Variants in MAGI2 observed in about 807,000 individuals in gnomAD.
The protein encoded by MAGI2 is membrane associated guanylate kinase, WW and PDZ domain containing 2, also known as membrane-associated guanylate kinase, WW and PDZ domain-containing protein 2.
A neutral mutation model predicts 133.3 loss-of-function variants in MAGI2; 35 were observed. The ratio of observed to expected loss-of-function variants is 0.26; its 90% CI spans 0.20 to 0.35. The LOEUF (loss-of-function observed/expected upper bound fraction) is 0.35. Ranked by LOEUF, MAGI2 falls within the 10% of genes least tolerant of loss-of-function variation. The probability of loss-of-function intolerance (pLI) is 1.00; values close to 1 mark genes in which losing one functional copy is unlikely to be tolerated. For missense variants in MAGI2, 1,636 were observed against 1,863.4 expected (o/e 0.88, Z 2.25); for synonymous variants, 729 against 710.6 (o/e 1.03, Z -0.41).
intron 1 of MAGI2, among the ~76,000 whole-genome samples, chr7:79,160,247 T>C (rs1433962635): frequency 2.6e-5 from 4 of 152,082 alleles, no homozygotes; most frequent in Admixed American, 2.6e-4. Context: ...AAAAAGTGAA[T>C]CTAGGTTTTT....
intron 13 of MAGI2, among the ~76,000 whole-genome samples, chr7:78,180,123 C>T (rs1056070679): frequency 6.6e-6 from 1 of 152,168 alleles, no homozygotes; most frequent in Non-Finnish European, 1.5e-5. Context: ...GAACTCTAGA[C>T]CACATACACA....
chr7:79,392,918 CA>C (rs1563181910), intron 1 of MAGI2, among the ~76,000 whole-genome samples: 1 of 152,026 alleles, frequency 6.6e-6, no homozygotes, highest in Non-Finnish European at 1.5e-5. Flanking sequence ...GGTGGAAGAA[CA>C]AAAATGATTT....
intron 1 of MAGI2, among the ~76,000 whole-genome samples, chr7:79,077,447 G>A (rs567033077): frequency 1.1e-4 from 16 of 151,230 alleles, no homozygotes; most frequent in African/African-American, 3.9e-4. Context: ...TGTAGTCCCA[G>A]CTAAGTAGTC....
chr7:78,049,057 G>A (rs1811734052), intron 21 of MAGI2, among the ~76,000 whole-genome samples: 1 of 150,330 alleles, frequency 6.7e-6, no homozygotes, highest in Non-Finnish European at 1.5e-5. Flanking sequence ...GCAGTGAACT[G>A]AGATTGCACC....
At chr7:78,192,432 A>G (rs1481022212) in intron 12 of MAGI2, among the ~76,000 whole-genome samples, 4 of 152,160 alleles carry the variant, frequency 2.6e-5, no homozygotes, top group Non-Finnish European at 1.5e-5. Flanking sequence ...CCAATCATTA[A>G]TTAAAATCTT....
At chr7:78,378,769 A>C (rs1307497335) in intron 6 of MAGI2, among the ~76,000 whole-genome samples, 4 of 152,058 alleles carry the variant, frequency 2.6e-5, no homozygotes, top group African/African-American at 9.7e-5. Flanking sequence ...GGACAGGACT[A>C]ATGGTAATCA....
intron 2 of MAGI2, among the ~76,000 whole-genome samples, chr7:78,671,592 T>C (rs112850365): frequency 0.011 from 1,703 of 152,236 alleles, 38 homozygotes; most frequent in African/African-American, 0.039. Context: ...AGGGAATGTA[T>C]AAAATAGAAG....
chr7:78,479,386 G>T lies in MAGI2; in HGVS notation c.1045+10375C>A, dbSNP rs11979436. ...CGTACCTGCCTATATCATGTGGGCA[G>T]AGATAAGAGGCCAGAGAAAATACTT... On this transcript the variant is annotated intron_variant, in intron 6 of 21. Transcript: ENST00000354212. Among the ~76,000 whole-genome samples, 1,247 of 151,906 alleles carry T rather than the reference G, an allele frequency of 8.2e-3. 30 individuals are homozygous for T. The East Asian group carries it at 0.09, about 11-fold the overall frequency.
intron 10 of MAGI2, among the ~76,000 whole-genome samples, chr7:78,206,291 TTTC>T (rs149111547): frequency 0.34 from 46,354 of 137,968 alleles, 7,579 homozygotes; most frequent in East Asian, 0.46. Flanking sequence ...TTCCTTTTCC[TTTC>T]TTTTTTTTTT....
At chr7:79,364,867 T>C (rs1008224509) in intron 1 of MAGI2, among the ~76,000 whole-genome samples, 1 of 151,688 alleles carries the variant, frequency 6.6e-6, no homozygotes, top group Non-Finnish European at 1.5e-5. Context: ...TTGACAACAG[T>C]TGCAAAATTC....
At chr7:79,412,045 G>T (rs1343223919) in intron 1 of MAGI2, 2 of 151,906 alleles carry the variant, frequency 1.3e-5, no homozygotes, top group Non-Finnish European at 2.9e-5. Flanking sequence ...TAAAATAAAA[G>T]ATTTCATCAC....
At chr7:79,235,079 G>T (rs1036139428) in intron 1 of MAGI2, among the ~76,000 whole-genome samples, 24 of 151,762 alleles carry the variant, frequency 1.6e-4, no homozygotes, top group Middle Eastern at 3.4e-3. Context: ...TGCCCCTGCT[G>T]GGGGGTGCCT....
At chr7:79,041,134 T>G (rs1811627622) in intron 1 of MAGI2, among the ~76,000 whole-genome samples, 1 of 152,176 alleles carries the variant, frequency 6.6e-6, no homozygotes, top group African/African-American at 2.4e-5. Context: ...GGATTACAAA[T>G]GTGAGCCACT....
intron 21 of MAGI2, among the ~76,000 whole-genome samples, chr7:78,048,472 C>T (rs898509967): frequency 1.2e-4 from 18 of 152,090 alleles, no homozygotes; most frequent in African/African-American, 3.9e-4. Context: ...AAACAGTCCC[C>T]GCCAATGCCC....
At chr7:78,647,460 C>A (rs905571793) in intron 2 of MAGI2, among the ~76,000 whole-genome samples, 2 of 151,980 alleles carry the variant, frequency 1.3e-5, no homozygotes, top group Admixed American at 6.5e-5. Context: ...ATCTCATGCC[C>A]GTTAGAATGG....
intron 3 of MAGI2, among the ~76,000 whole-genome samples, chr7:78,599,655 A>G (rs1804975615): frequency 6.6e-6 from 1 of 152,188 alleles, no homozygotes; most frequent in South Asian, 2.1e-4. Flanking sequence ...AATCAGAGGT[A>G]GTCATTTGGA....
chr7:79,034,355 C>T (rs562513936), intron 1 of MAGI2, among the ~76,000 whole-genome samples: 1 of 152,090 alleles, frequency 6.6e-6, no homozygotes, highest in Admixed American at 6.6e-5. Context: ...CAGTGCAATA[C>T]CCTACTGGTA....
chr7:78,449,078 T>C (rs1253290950), intron 6 of MAGI2, among the ~76,000 whole-genome samples: 1 of 152,086 alleles, frequency 6.6e-6, no homozygotes, highest in Non-Finnish European at 1.5e-5. Flanking sequence ...CTCTCAACCC[T>C]TTGTTCAGCT....
intron 2 of MAGI2, among the ~76,000 whole-genome samples, chr7:78,927,965 G>A (rs535644418): frequency 1.7e-4 from 26 of 152,000 alleles, no homozygotes; most frequent in African/African-American, 6.0e-4. Context: ...GAAAAATACT[G>A]AAATTGTAAA....
Sources: gnomAD v4.1 joint callset for allele counts (sites outside exome capture counted in the v4.1 genomes callset) on GRCh38, gnomAD v4.1.1 for gene constraint, MANE v1.5 for transcripts, NCBI Gene and HGNC (gene_info 2026-07-23, HGNC 2026-07-21) for gene names.